The following SEMA3A variants were observed in gnomAD, a reference collection of about 807,000 sequenced individuals.
SEMA3A encodes semaphorin 3A, also known as semaphorin-3A.
Under a neutral mutation model 97.9 loss-of-function variants are expected in SEMA3A, and 29 were observed. That is an observed-to-expected ratio of 0.30 (90% CI 0.22 to 0.40). The LOEUF (loss-of-function observed/expected upper bound fraction) is 0.40. Ranked by LOEUF, SEMA3A falls within the 10% of genes least tolerant of loss-of-function variation. SEMA3A has a pLI of 1.00. For synonymous variants in SEMA3A, 321 were observed against 323.7 expected (o/e 0.99, Z 0.09); for missense variants, 763 against 951.3 (o/e 0.80, Z 2.60).
chr7:84,109,701 C>A (rs1795219221), intron 4 of SEMA3A, among the ~76,000 whole-genome samples: 1 of 152,060 alleles, frequency 6.6e-6, no homozygotes, highest in African/African-American at 2.4e-5. Flanking sequence ...TTTCTGAATT[C>A]CAGTTTTGAA....
intron 2 of SEMA3A, among the ~76,000 whole-genome samples, chr7:84,319,142 A>G (rs1380368311): frequency 6.6e-6 from 1 of 152,164 alleles, no homozygotes; most frequent in African/African-American, 2.4e-5. Flanking sequence ...AAATGGAGGG[A>G]GAGAAAGCTC....
chr7:84,395,774 G>C (rs1156248691), intron 1 of SEMA3A, among the ~76,000 whole-genome samples: 1 of 152,060 alleles, frequency 6.6e-6, no homozygotes, highest in African/African-American at 2.4e-5. Context: ...ATGATTGTAA[G>C]TTTCCTGAGG....
chr7:84,209,915 A>G (rs1798585217), intron 3 of SEMA3A, among the ~76,000 whole-genome samples: 1 of 152,194 alleles, frequency 6.6e-6, no homozygotes, highest in Non-Finnish European at 1.5e-5. Flanking sequence ...ATTTGGCTGA[A>G]GTTAAAGTTT....
intron 1 of SEMA3A, among the ~76,000 whole-genome samples, chr7:84,473,196 A>G (rs532935158): frequency 4.1e-5 from 6 of 146,850 alleles, no homozygotes; most frequent in Non-Finnish European, 8.9e-5. Flanking sequence ...CTTCTTAAGT[A>G]TTAGTTTCCT....
chr7:84,002,575 G>C (rs573675069), intron 11 of SEMA3A, among the ~76,000 whole-genome samples: 2 of 152,256 alleles, frequency 1.3e-5, no homozygotes, highest in Admixed American at 1.3e-4. Flanking sequence ...TCAGAGTCCT[G>C]GCTGCTCTTC....
intron 2 of SEMA3A, among the ~76,000 whole-genome samples, chr7:84,351,170 T>A (rs1802429487): frequency 6.6e-6 from 1 of 151,930 alleles, no homozygotes; most frequent in South Asian, 2.1e-4. Flanking sequence ...AATTCATTCA[T>A]CGTGCTTATA....
intron 4 of SEMA3A, among the ~76,000 whole-genome samples, chr7:84,064,500 T>A (rs1488823206): frequency 2.0e-5 from 3 of 152,218 alleles, no homozygotes; most frequent in Non-Finnish European, 4.4e-5. Flanking sequence ...TCAAGAGCCA[T>A]CAGTGTGCTG....
chr7:84,357,784 C>T (rs1802605470), intron 2 of SEMA3A, among the ~76,000 whole-genome samples: 1 of 151,768 alleles, frequency 6.6e-6, no homozygotes, highest in South Asian at 2.1e-4. Flanking sequence ...TCTCCACATC[C>T]TCTCCAGCAC....
At chr7:84,283,600 C>T (rs1800506431) in intron 3 of SEMA3A, among the ~76,000 whole-genome samples, 1 of 151,462 alleles carries the variant, frequency 6.6e-6, no homozygotes, top group South Asian at 2.1e-4. Flanking sequence ...ACAAAAATGG[C>T]ATAATAGAAA....
chr7:84,392,911 T>C (rs1242238189), intron 1 of SEMA3A, among the ~76,000 whole-genome samples: 1 of 152,082 alleles, frequency 6.6e-6, no homozygotes, highest in Non-Finnish European at 1.5e-5. Context: ...GTCTATAGAG[T>C]TGTTTGAGCT....
chr7:84,397,090 A>G (rs944818288), intron 1 of SEMA3A, among the ~76,000 whole-genome samples: 1 of 152,048 alleles, frequency 6.6e-6, no homozygotes, highest in Admixed American at 6.6e-5. Flanking sequence ...CCATGTTTAT[A>G]ATGAAAGTTG....
At position 84,482,595 on chromosome 7, in the gene SEMA3A, C is replaced by T. The variant is rs548456706; in HGVS notation, c.-246+9865G>A. 2.0e-4 allele frequency among the ~76,000 whole-genome samples: 30 copies of T among 152,250 alleles called. 1 individual carries two copies. In the South Asian group the frequency reaches 5.8e-3, roughly 29 times the overall value. The stretch of plus-strand genomic sequence containing the variant: ...CAGGAATTTACAAGGTGTTATTTGT[C>T]CATTACACTGCCTCCCTATAGAACA... On this transcript the variant is annotated intron_variant, in intron 1 of 3. Coordinates refer to the SEMA3A transcript ENST00000424555.
chr7:83,977,799 T>TC (rs34816470), intron 14 of SEMA3A, among the ~76,000 whole-genome samples: 109 of 148,384 alleles, frequency 7.3e-4, no homozygotes, highest in African/African-American at 2.7e-3. Flanking sequence ...TTTTTTTTTT[T>TC]CTTTCTTTCT....
intron 2 of SEMA3A, among the ~76,000 whole-genome samples, chr7:84,332,747 T>C (rs1801938636): frequency 1.3e-5 from 2 of 152,006 alleles, no homozygotes; most frequent in South Asian, 4.1e-4. Flanking sequence ...GAAAAAATAA[T>C]TTATTTTTTA....
chr7:84,316,130 C>CA (rs202005657), intron 2 of SEMA3A, among the ~76,000 whole-genome samples: 3,012 of 30,150 alleles, frequency 0.1, 713 homozygotes, highest in Non-Finnish European at 0.16. Context: ...GACTCTATCT[C>CA]AAAAAAAAAA....
intron 6 of SEMA3A, among the ~76,000 whole-genome samples, chr7:84,043,029 A>G (rs967796026): frequency 2.6e-5 from 4 of 152,066 alleles, no homozygotes; most frequent in Admixed American, 2.6e-4. Flanking sequence ...TAATACTGAG[A>G]GAATTTATGT....
At chr7:84,155,729 T>C (rs1796826864) in intron 1 of SEMA3A, among the ~76,000 whole-genome samples, 1 of 152,176 alleles carries the variant, frequency 6.6e-6, no homozygotes, top group African/African-American at 2.4e-5. Context: ...CATTTGCTGG[T>C]AAGAGCTGCT....
intron 6 of SEMA3A, 75 bp from the exon 7 acceptor site, chr7:84,014,426 CTTTT>C: frequency 8.9e-7 from 1 of 1,118,256 alleles, no homozygotes; most frequent in Non-Finnish European, 1.3e-6. Flanking sequence ...TCCATTTTTA[CTTTT>C]TTTAACTCTT....
chr7:84,193,472 T>C (rs776886232), intron 1 of SEMA3A, among the ~76,000 whole-genome samples: 3 of 152,070 alleles, frequency 2.0e-5, no homozygotes, highest in Non-Finnish European at 4.4e-5. Flanking sequence ...TTTAGAAATC[T>C]GAGAATCATA....
Sources: allele counts gnomAD v4.1 joint callset (sites outside exome capture counted in the v4.1 genomes callset), GRCh38; gene constraint gnomAD v4.1.1; transcripts MANE v1.5; gene names NCBI Gene and HGNC (gene_info 2026-07-23, HGNC 2026-07-21).